Variants in CCNT1 observed in about 807,000 individuals in gnomAD.
CCNT1 encodes the protein cyclin-T1.
In CCNT1, 18 loss-of-function variants were observed where a neutral mutation model predicts 67.3. The ratio of observed to expected loss-of-function variants is 0.27; its 90% CI spans 0.18 to 0.40. CCNT1 has a LOEUF of 0.40. Among genes scored for constraint, CCNT1 ranks in the 10% least tolerant of loss-of-function variants. CCNT1 has a pLI of 1.00. For synonymous variants in CCNT1, 333 were observed against 310.3 expected (o/e 1.07, Z -0.77); for missense variants, 744 against 884.9 (o/e 0.84, Z 2.02).
chr12:48,711,109 C>G (rs867915267), intron 2 of CCNT1, among the ~76,000 whole-genome samples: 1 of 151,432 alleles, frequency 6.6e-6, no homozygotes, highest in South Asian at 2.1e-4. Flanking sequence ...AGGCTGGACG[C>G]GGTGGCTCAC....
intron 1 of CCNT1, among the ~76,000 whole-genome samples, chr12:48,715,456 T>A (rs1217184691): frequency 6.6e-6 from 1 of 152,110 alleles, no homozygotes; most frequent in African/African-American, 2.4e-5. Context: ...TTACCTCATT[T>A]TTTTTTTAAT....
rs1392771267 is a variant in CCNT1 at position 48,696,169 on chromosome 12, T to G, written c.543-7A>C. The G allele has an allele frequency of 6.5e-7, 1 of 1,526,890 alleles. No homozygotes were observed. Among genetic ancestry groups the G allele is most frequent in the Non-Finnish European group, 8.8e-7 (1 of 1,136,974 alleles). The allele number at this position is 1,526,890 out of a possible 1,614,324, so 94.6% of individuals were successfully genotyped here. A position where few individuals can be genotyped will look rare whatever the true frequency, so the allele number is the denominator to read the frequency against. On this transcript the variant is annotated splice_region_variant and splice_polypyrimidine_tract_variant and intron_variant, in intron 6 of 8. Transcript: ENST00000261900. The stretch of plus-strand genomic sequence containing the variant: ...AAATGTGGTCAAATGCAGGCTGACA[T>G]CAGAGGGAAGAAAACAGAGAGTGTC...
chr12:48,712,944 A>G (rs562224467), intron 2 of CCNT1, among the ~76,000 whole-genome samples: 10 of 152,114 alleles, frequency 6.6e-5, no homozygotes, highest in Non-Finnish European at 1.3e-4. Flanking sequence ...CCATCTCAAA[A>G]AAAAAAAAAT....
chr12:48,715,819 C>A (rs1293812342), intron 1 of CCNT1, among the ~76,000 whole-genome samples: 1 of 152,118 alleles, frequency 6.6e-6, no homozygotes, highest in Non-Finnish European at 1.5e-5. Context: ...GTTAAGGACC[C>A]GGTATTTTGT....
chr12:48,706,018 T>C (rs1565619706), intron 2 of CCNT1, 122 bp from the exon 3 acceptor site: 4 of 897,368 alleles, frequency 4.5e-6, no homozygotes, highest in Non-Finnish European at 6.5e-6. Flanking sequence ...TGTCACCTCT[T>C]TACCCTTTCC....
At position 48,690,734 on chromosome 12, in the gene CCNT1, C is replaced by T. The variant is rs746283567; in HGVS notation, c.*2299G>A. ...CCTGGCAAAGTTCTAAGGAACTTTA[C>T]TACAGTACGGCCATGGATAACTGCT... On this transcript the variant is annotated 3_prime_UTR_variant, in exon 9 of 9. Transcript: ENST00000261900. 3.3e-5 allele frequency: 5 copies of T among 152,156 alleles called. No homozygotes were observed. Among genetic ancestry groups the T allele is most frequent in the African/African-American group, 4.8e-5 (2 of 41,426 alleles). 9.4% of individuals were successfully genotyped at this position (152,156 alleles called of 1,614,324 possible).
intron 2 of CCNT1, among the ~76,000 whole-genome samples, chr12:48,713,854 T>C (rs1240332311): frequency 6.6e-6 from 1 of 152,146 alleles, no homozygotes; most frequent in African/African-American, 2.4e-5. Context: ...ATGTTACTCC[T>C]CCAACCCCAA....
At chr12:48,710,988 G>A (rs1052756983) in intron 2 of CCNT1, among the ~76,000 whole-genome samples, 2 of 152,120 alleles carry the variant, frequency 1.3e-5, no homozygotes, top group Non-Finnish European at 2.9e-5. Flanking sequence ...TGGAACCCAG[G>A]AGGCGGAGGT....
chr12:48,702,874 C>G (rs1283575515), intron 3 of CCNT1, among the ~76,000 whole-genome samples: 1 of 152,068 alleles, frequency 6.6e-6, no homozygotes, highest in Non-Finnish European at 1.5e-5. Flanking sequence ...AATTCTAACA[C>G]TTTGGGAGGC....
chr12:48,711,141 G>A (rs1940444255), intron 2 of CCNT1, among the ~76,000 whole-genome samples: 1 of 151,988 alleles, frequency 6.6e-6, no homozygotes, highest in Non-Finnish European at 1.5e-5. Context: ...CAGCACTCTG[G>A]AAGGATGAGG....
At chr12:48,701,217 CTTTTTT>C (rs539754445) in intron 3 of CCNT1, 144 bp from the exon 4 acceptor site, 1,862 of 92,876 alleles carry the variant, frequency 0.02, 51 homozygotes, top group African/African-American at 0.068. Flanking sequence ...GAAATACAAT[CTTTTTT>C]TTTTTTTTTT....
chr12:48,698,206 A>C (rs780371449), intron 5 of CCNT1, 23 bp from the exon 6 acceptor site: 16 of 1,334,304 alleles, frequency 1.2e-5, no homozygotes, highest in Middle Eastern at 2.0e-4. Flanking sequence ...AAAAAAAGTC[A>C]GGGGTGGGGG....
At chr12:48,710,351 G>C (rs927063019) in intron 2 of CCNT1, among the ~76,000 whole-genome samples, 8 of 152,156 alleles carry the variant, frequency 5.3e-5, no homozygotes, top group Admixed American at 1.3e-4. Flanking sequence ...GCTAAACTTA[G>C]AATTAGTATG....
rs1165306881 is a variant in CCNT1 at position 48,691,866 on chromosome 12, T to C, written c.*1167A>G. On this transcript the variant is annotated 3_prime_UTR_variant, in exon 9 of 9. Transcript: ENST00000261900. ...ATTTATAATGTAATTTTTAAAACAA[T>C]GTTCTAAACTTCCAAATCACAATTT... The C allele has an allele frequency of 1.3e-5, 2 of 152,220 alleles. No individual in the cohort carries two copies. The highest frequency in any genetic ancestry group is 1.9e-4 in the East Asian group (1 of 5,200). 9.4% of individuals were successfully genotyped at this position (152,220 alleles called of 1,614,324 possible). A position where few individuals can be genotyped will look rare whatever the true frequency, so the allele number is the denominator to read the frequency against.
chr12:48,714,220 T>C (rs1196359848), intron 2 of CCNT1, among the ~76,000 whole-genome samples: 2 of 152,182 alleles, frequency 1.3e-5, no homozygotes, highest in Non-Finnish European at 2.9e-5. Flanking sequence ...ATCTACTTCT[T>C]TAGAGAATCG....
chr12:48,713,320 T>C (rs1940485647), intron 2 of CCNT1, among the ~76,000 whole-genome samples: 1 of 151,888 alleles, frequency 6.6e-6, no homozygotes, highest in African/African-American at 2.4e-5. Flanking sequence ...TACATAAGAA[T>C]GAGCCACCAT....
Position 48,693,964 on chromosome 12 carries a change from T to C in CCNT1, c.1250A>G (p.Gln417Arg). 6.2e-7 allele frequency: 1 copy of C among 1,614,206 alleles called. No individual in the cohort carries two copies. Among genetic ancestry groups the C allele is most frequent in the Non-Finnish European group, 8.5e-7 (1 of 1,180,034 alleles). Residue 417 changes from glutamine (Q) to arginine (R), a missense_variant, in exon 9 of 9, where the codon CAA (glutamine) becomes CGA (arginine). Around this residue, in one of 3 missense-constraint regions of CCNT1, gnomAD observed 564 missense variants for 574.2 expected, o/e 0.98. Transcript: ENST00000261900. ...LENMEANVKSQYAYAAQNLLS... is the reference protein window; with the variant it reads ...LENMEANVKSRYAYAAQNLLS... Reference sequence around the variant, plus strand: ...GAGATTCTGGGCAGCATATGCATATTGTGACTTCACATTGGCTTCCATGTT... The same window carrying C: ...GAGATTCTGGGCAGCATATGCATATCGTGACTTCACATTGGCTTCCATGTT...
chr12:48,694,491 C>A, intron 8 of CCNT1, 55 bp from the exon 9 acceptor site: 1 of 1,480,818 alleles, frequency 6.8e-7, no homozygotes. Context: ...AATAAAAAAA[C>A]ACTGAGATGA....
Position 48,693,576 on chromosome 12 carries a change from T to C in CCNT1, c.1638A>G (p.Lys546=). The part of the protein sequence containing the change: ...GTGNKRPGDP[K]HSSQTSNLAH... ...CTAAGTTGCTTGTCTGGCTACTATG[T>C]TTTGGATCACCAGGACGTTTGTTCC... Residue 546 remains lysine (K), a synonymous_variant, in exon 9 of 9, where the codon AAA becomes AAG. Transcript: ENST00000261900. The C allele has an allele frequency of 7.4e-6, 12 of 1,614,028 alleles. No homozygotes were observed. The highest frequency in any genetic ancestry group is 1.0e-5 in the Non-Finnish European group (12 of 1,180,008).
Sources: allele counts gnomAD v4.1 joint callset (sites outside exome capture counted in the v4.1 genomes callset), GRCh38; gene constraint gnomAD v4.1.1; regional missense constraint gnomAD v4.1.1; transcripts MANE v1.5; gene names NCBI Gene and HGNC (gene_info 2026-07-23, HGNC 2026-07-21).